The following MAPKBP1 variants were observed in gnomAD, a reference collection of about 807,000 sequenced individuals.
MAPKBP1 encodes mitogen-activated protein kinase binding protein 1.
MAPKBP1 carries 71 observed loss-of-function variants against 170.5 expected under a neutral mutation model. The ratio of observed to expected loss-of-function variants is 0.42; its 90% confidence interval spans 0.34 to 0.51. MAPKBP1 has a LOEUF of 0.51. Among genes scored for constraint, MAPKBP1 ranks in the 20% least tolerant of loss-of-function variants. The pLI, the probability that MAPKBP1 is intolerant of heterozygous loss-of-function variation, is 0.06. For missense variants in MAPKBP1, 1,598 were observed against 1,933.0 expected (o/e 0.83, Z 3.25); for synonymous variants, 719 against 757.9 (o/e 0.95, Z 0.84).
chr15:41,792,003 C>T (rs1366126362), intron 2 of MAPKBP1, among the ~76,000 whole-genome samples: 5 of 150,296 alleles, frequency 3.3e-5, no homozygotes, highest in South Asian at 2.1e-4. Context: ...TGCTGTCAGC[C>T]GAGATCGTGC....
Position 41,814,603 on chromosome 15 carries a change from C to G in MAPKBP1, c.1034C>G (p.Thr345Ser). 6.2e-7 allele frequency: 1 copy of G among 1,614,172 alleles called. No homozygotes were observed. Among genetic ancestry groups the G allele is most frequent in the South Asian group, 1.1e-5 (1 of 91,078 alleles). ...AGGTATCCAGACACCATTGCCTTGA[C>G]CTTTGATCCTACTAATCAGTGGCTG... ...NARYPDTIAL[T>S]FDPTNQWLSC... The change falls in exon 10 of 31, where the codon ACC (threonine) becomes AGC (serine). Residue 345 changes from threonine (T) to serine (S), a missense_variant. By Grantham distance (58) the Thr-to-Ser change is moderately conservative. Coordinates refer to ENST00000457542, the MANE Select transcript of MAPKBP1 (RefSeq NM_014994.3).
chr15:41,780,752 G>T (rs1040836610), intron 2 of MAPKBP1, among the ~76,000 whole-genome samples: 2 of 144,838 alleles, frequency 1.4e-5, no homozygotes, highest in African/African-American at 2.6e-5. Flanking sequence ...TTTAACTTCT[G>T]TTACCTTAAA....
rs1481801383 is a variant in MAPKBP1, at chr15:41,811,148, G to T, written c.270-30G>T. 3 of 1,613,290 alleles carry T rather than the reference G, an allele frequency of 1.9e-6. No individual in the cohort carries two copies. In the Admixed American group the frequency reaches 5.0e-5, roughly 27 times the overall value. On this transcript the variant is annotated intron_variant, in intron 4 of 30. Coordinates refer to ENST00000457542, the MANE Select transcript of MAPKBP1 (RefSeq NM_014994.3). ...GCTAGGCTTAGGCCAGGCTGCCAGT[G>T]CCCCTCTGAGCCTGCCCCATCTCTT...
chr15:41,813,748 T>C lies in MAPKBP1; in HGVS notation c.947T>C (p.Leu316Pro), dbSNP rs1240002623. 1 of 1,609,798 alleles carries C rather than the reference T, an allele frequency of 6.2e-7. No individual in the cohort carries two copies. The highest frequency in any genetic ancestry group is 8.5e-7 in the Non-Finnish European group (1 of 1,178,322). Residue 316 changes from leucine (L) to proline (P), a missense_variant, in exon 9 of 31, where the codon CTG (leucine) becomes CCG (proline). Leu to Pro is a moderately conservative substitution (Grantham distance 98). Transcript: ENST00000457542. ...FLSTLPRPHALGTDIASVTEA... is the reference protein window; with the variant it reads ...FLSTLPRPHAPGTDIASVTEA... The stretch of plus-strand genomic sequence containing the variant: ...AGCACCTTGCCCCGACCCCATGCTC[T>C]GGGGACAGACATTGCTAGCGTCACC...
chr15:41,781,608 A>T (rs952713528), intron 2 of MAPKBP1, among the ~76,000 whole-genome samples: 2 of 152,104 alleles, frequency 1.3e-5, no homozygotes, highest in Admixed American at 1.3e-4. Context: ...GCACCACTGT[A>T]TTCCAGCCTG....
At chr15:41,810,839 A>G in intron 3 of MAPKBP1, 44 bp from the exon 4 acceptor site, 1 of 1,590,404 alleles carries the variant, frequency 6.3e-7, no homozygotes, top group Non-Finnish European at 8.6e-7. Flanking sequence ...CTCCTGGGGG[A>G]GCTGTGGTTT....
At position 41,811,358 on chromosome 15, in the gene MAPKBP1, C is replaced by T. The variant is rs77126542; in HGVS notation, c.327+123C>T. Reference sequence around the variant, plus strand: ...GAAACAGACACCAAATCCTGGTTTTCGCTATACCTTAAAATAGTGGTTCTC... The same window carrying T: ...GAAACAGACACCAAATCCTGGTTTTTGCTATACCTTAAAATAGTGGTTCTC... On this transcript the variant is annotated intron_variant, in intron 5 of 30. Transcript: ENST00000457542. 53,588 of 1,030,254 alleles carry T rather than the reference C, an allele frequency of 0.052. 1,655 individuals are homozygous for T. The highest frequency in any genetic ancestry group is 0.065 in the Non-Finnish European group (43,490 of 666,414). The allele number at this position is 1,030,254 out of a possible 1,614,324, so 63.8% of individuals were successfully genotyped here.
chr15:41,819,625 G>C lies in MAPKBP1; in HGVS notation c.2456G>C (p.Ser819Thr). 1 of 1,607,422 alleles carries C rather than the reference G, an allele frequency of 6.2e-7. No homozygotes were observed. Among genetic ancestry groups the C allele is most frequent in the South Asian group, 1.1e-5 (1 of 90,906 alleles). ...ASVPSPALPRSLSHWEMSRAQ... is the reference protein window; with the variant it reads ...ASVPSPALPRTLSHWEMSRAQ... The stretch of plus-strand genomic sequence containing the variant: ...GTCCCCAGCCCAGCTTTGCCCCGAA[G>C]CCTGTCCCACTGGGAGATGAGTCGG... The change falls in exon 22 of 31, where the codon AGC becomes ACC. Residue 819 changes from serine (S) to threonine (T), a missense_variant. Coordinates refer to ENST00000457542, the MANE Select transcript of MAPKBP1 (RefSeq NM_014994.3).
chr15:41,782,219 G>A (rs1396171926), intron 2 of MAPKBP1, among the ~76,000 whole-genome samples: 5 of 141,260 alleles, frequency 3.5e-5, no homozygotes, highest in East Asian at 2.1e-4. Context: ...CTGAGATCGC[G>A]CCACTGCCCT....
intron 22 of MAPKBP1, among the ~76,000 whole-genome samples, chr15:41,820,557 C>T (rs1447000293): frequency 1.3e-5 from 2 of 152,086 alleles, no homozygotes; most frequent in Non-Finnish European, 2.9e-5. Context: ...CCAGAGGATG[C>T]GGAATGCAGC....
chr15:41,825,220 C>T lies in MAPKBP1; in HGVS notation c.4311C>T (p.Cys1437=). 1 of 1,581,556 alleles carries T rather than the reference C, an allele frequency of 6.3e-7. No homozygotes were observed. Among genetic ancestry groups the T allele is most frequent in the Non-Finnish European group, 8.6e-7 (1 of 1,156,708 alleles). The change falls in exon 31 of 31, where the codon TGC becomes TGT. Residue 1437 remains cysteine, a synonymous_variant. Transcript: ENST00000457542. ...AVRLYHSVAG[C]KMPSAEQSRI... is the part of the protein sequence containing the mutation. Reference sequence around the variant, plus strand: ...GGGTGCTATTTCAGGTGGCTGGCTGCAAGATGCCCTCAGCAGAGCAAAGTC... The same window carrying T: ...GGGTGCTATTTCAGGTGGCTGGCTGTAAGATGCCCTCAGCAGAGCAAAGTC...
At chr15:41,779,179 G>C (rs2064142545) in intron 2 of MAPKBP1, among the ~76,000 whole-genome samples, 1 of 152,152 alleles carries the variant, frequency 6.6e-6, no homozygotes, top group East Asian at 1.9e-4. Flanking sequence ...TTTGCTCAGT[G>C]TTTGAACGCA....
intron 2 of MAPKBP1, among the ~76,000 whole-genome samples, chr15:41,794,093 A>G (rs2064442612): frequency 6.6e-6 from 1 of 152,058 alleles, no homozygotes; most frequent in African/African-American, 2.4e-5. Flanking sequence ...TTAGCCAGAC[A>G]CGATGGTGGG....
At chr15:41,781,703 A>G (rs1365262742) in intron 2 of MAPKBP1, among the ~76,000 whole-genome samples, 2 of 152,050 alleles carry the variant, frequency 1.3e-5, no homozygotes, top group African/African-American at 4.8e-5. Context: ...TTACTTGAAG[A>G]TCTTAGAACA....
rs368400190 is a variant in MAPKBP1, at chr15:41,816,666, G to A, written c.1585+16G>A. On this transcript the variant is annotated intron_variant, in intron 13 of 30. Coordinates refer to ENST00000457542, the MANE Select transcript of MAPKBP1 (RefSeq NM_014994.3). ...CCAGACACAGGTTAGGAGAATGCCCGGAATGGCACAGGGCTCCTCCAGTCC... is the reference window on the plus strand; with the variant it reads ...CCAGACACAGGTTAGGAGAATGCCCAGAATGGCACAGGGCTCCTCCAGTCC... 45 of 1,608,828 alleles carry A rather than the reference G, an allele frequency of 2.8e-5. No individual in the cohort carries two copies. The highest frequency in any genetic ancestry group is 1.2e-4 in the South Asian group (11 of 90,934).
At chr15:41,810,543 CA>C (rs11415317) in intron 3 of MAPKBP1, 68,885 of 152,422 alleles carry the variant, frequency 0.45, 13,112 homozygotes, top group Admixed American at 0.49. Context: ...CCCGTGTCTA[CA>C]AAAAAAAAAA....
At chr15:41,811,705 A>C (rs935324100) in intron 5 of MAPKBP1, 9 of 669,216 alleles carry the variant, frequency 1.3e-5, no homozygotes, top group Non-Finnish European at 2.5e-5. Flanking sequence ...CCATTCAGGG[A>C]GCTTTGAACA....
Position 41,781,705 on chromosome 15 carries a change from C to A in MAPKBP1, c.114+6316C>A, listed in dbSNP as rs1422944448. Among the ~76,000 whole-genome samples, 4 of 152,060 alleles carry A rather than the reference C, an allele frequency of 2.6e-5. No homozygotes were observed. In the East Asian group the frequency reaches 7.7e-4, roughly 29 times the overall value. On this transcript the variant is annotated intron_variant, in intron 2 of 30. Transcript: ENST00000457542. ...TTGAGATTTTAATTTACTTGAAGAT[C>A]TTAGAACAACCCTTTGTGAAACCAT...
chr15:41,779,545 A>G (rs1284076507), intron 2 of MAPKBP1, among the ~76,000 whole-genome samples: 1 of 151,218 alleles, frequency 6.6e-6, no homozygotes, highest in Non-Finnish European at 1.5e-5. Flanking sequence ...GAGTCTTACG[A>G]TGTTGCTCAG....
Sources: allele counts gnomAD v4.1 joint callset (sites outside exome capture counted in the v4.1 genomes callset), GRCh38; gene constraint gnomAD v4.1.1; transcripts MANE v1.5; gene names NCBI Gene and HGNC (gene_info 2026-07-23, HGNC 2026-07-21).